BPTF: variants seen among roughly 807,000 people sequenced by gnomAD.
BPTF encodes nucleosome-remodeling factor subunit BPTF.
In BPTF, 18 loss-of-function variants were observed where a neutral mutation model predicts 292.5. That is an observed-to-expected ratio of 0.06 (90% CI 0.04 to 0.09). The LOEUF is 0.09. Ranked by LOEUF, BPTF falls within the 10% of genes least tolerant of loss-of-function variation. The pLI is 1.00. For synonymous variants in BPTF, 1,225 were observed against 1,251.9 expected, an observed-to-expected ratio of 0.98 and a Z score of 0.45; for missense variants, 2,726 against 3,498.7, an observed-to-expected ratio of 0.78 and a Z score of 5.57.
chr17:67,831,992 A>G (rs2056725862), intron 1 of BPTF, among the ~76,000 whole-genome samples: 1 of 152,120 alleles, frequency 6.6e-6, no homozygotes, highest in African/African-American at 2.4e-5. Context: ...CCTGGGTTCA[A>G]GCGATTCTCC....
intron 13 of BPTF, 115 bp from the exon 14 acceptor site, chr17:67,922,725 A>G (rs1371185732): frequency 1.8e-6 from 2 of 1,132,456 alleles, no homozygotes; most frequent in Non-Finnish European, 2.5e-6. Context: ...GCTGCAGCAG[A>G]GACCATCTGG....
At chr17:67,845,733 A>ACTGCACTCTAGCCTG (rs1166882163) in intron 1 of BPTF, among the ~76,000 whole-genome samples, 1 of 152,040 alleles carries the variant, frequency 6.6e-6, no homozygotes, top group Non-Finnish European at 1.5e-5. Context: ...TGATAGCACC[A>ACTGCACTCTAGCCTG]CTGCACTCTA....
chr17:67,837,673 G>T (rs1316974854), intron 1 of BPTF, among the ~76,000 whole-genome samples: 1 of 152,186 alleles, frequency 6.6e-6, no homozygotes, highest in African/African-American at 2.4e-5. Context: ...GCCTCTCAAA[G>T]TGCTGGGATT....
At chr17:67,909,406 A>C (rs778428287) in intron 9 of BPTF, among the ~76,000 whole-genome samples, 176 bp from the exon 10 acceptor site, 15 of 151,178 alleles carry the variant, frequency 9.9e-5, no homozygotes, top group African/African-American at 2.2e-4. Flanking sequence ...TCAGCCAGGC[A>C]TATAGGATTA....
intron 15 of BPTF, among the ~76,000 whole-genome samples, chr17:67,928,087 T>C (rs2064068566): frequency 6.6e-6 from 1 of 152,168 alleles, no homozygotes; most frequent in Non-Finnish European, 1.5e-5. Context: ...TTTCACCATA[T>C]TGGCCAGGCT....
At chr17:67,865,073 T>G (rs924334364) in intron 2 of BPTF, among the ~76,000 whole-genome samples, 2 of 152,162 alleles carry the variant, frequency 1.3e-5, no homozygotes, top group Admixed American at 6.5e-5. Flanking sequence ...CCCAAAGTGC[T>G]GGGATTACAG....
At chr17:67,896,184 C>A (rs28677969) in intron 7 of BPTF, among the ~76,000 whole-genome samples, 3 of 151,520 alleles carry the variant, frequency 2.0e-5, no homozygotes, top group African/African-American at 4.8e-5. Flanking sequence ...GGATGGTCTC[C>A]ATCTCCTGAC....
In BPTF at chr17:67,920,151, A is replaced by G. The variant is rs376048162; in HGVS notation, c.5557+8A>G. 9 of 1,606,426 alleles carry G rather than the reference A, an allele frequency of 5.6e-6. No individual in the cohort carries two copies. The highest frequency in any genetic ancestry group is 7.7e-6 in the Non-Finnish European group (9 of 1,175,232). The stretch of plus-strand genomic sequence containing the variant: ...TTCCAGAAACACCAAAAGGTAAGAA[A>G]TAGAATTCTATTCTTTCATGATTAA... On this transcript the variant is annotated splice_region_variant and intron_variant, in intron 13 of 27. Transcript: ENST00000306378.
At chr17:67,938,244 A>C (rs1366545923) in intron 18 of BPTF, among the ~76,000 whole-genome samples, 1 of 152,232 alleles carries the variant, frequency 6.6e-6, no homozygotes, top group African/African-American at 2.4e-5. Flanking sequence ...GTCTCTGCTT[A>C]TGATGGCAAT....
Position 67,874,843 on chromosome 17 carries a change from A to G in BPTF, c.1687A>G (p.Lys563Glu), listed in dbSNP as rs758305005. The part of the protein sequence containing the change: ...NEEILESIRA[K>E]KGDIDNVKSP... ...AGAAATTTTGGAATCCATAAGAGCC[A>G]AAAAGGGAGACATTGATAATGTTAA... Residue 563 changes from lysine (K) to glutamate (E), a missense_variant, in exon 4 of 28, where the codon AAA becomes GAA. By Grantham distance (56) the Lys-to-Glu change is moderately conservative (BLOSUM62 1). Around this residue, in one of 22 missense-constraint regions of BPTF, gnomAD observed 187 missense variants for 201.5 expected, o/e 0.93. Transcript: ENST00000306378. The G allele has an allele frequency of 6.2e-7, 1 of 1,612,424 alleles. No individual in the cohort carries two copies. The highest frequency in any genetic ancestry group is 8.5e-7 in the Non-Finnish European group (1 of 1,179,478).
chr17:67,960,149 A>G (rs2067337809), intron 24 of BPTF: 1 of 313,948 alleles, frequency 3.2e-6, no homozygotes, highest in South Asian at 5.1e-5. Flanking sequence ...TTCCCTCTGA[A>G]TTAACTCCAA....
chr17:67,891,063 G>T (rs924508884), intron 4 of BPTF, among the ~76,000 whole-genome samples: 3 of 152,064 alleles, frequency 2.0e-5, no homozygotes, highest in Non-Finnish European at 4.4e-5. Flanking sequence ...CATGCCTGTG[G>T]TTCCAGCTAC....
At chr17:67,925,867 T>TATG (rs2063828315) in intron 15 of BPTF, among the ~76,000 whole-genome samples, 1 of 152,132 alleles carries the variant, frequency 6.6e-6, no homozygotes, top group African/African-American at 2.4e-5. Context: ...GGATTCTATG[T>TATG]ATGATGCTGT....
At chr17:67,853,768 T>A (rs1965680576) in intron 1 of BPTF, among the ~76,000 whole-genome samples, 172 bp from the exon 2 acceptor site, 1 of 152,150 alleles carries the variant, frequency 6.6e-6, no homozygotes, top group African/African-American at 2.4e-5. Context: ...GCATTTAGAT[T>A]TTCTATAGAT....
chr17:67,941,929 G>A (rs2065399068), intron 19 of BPTF, among the ~76,000 whole-genome samples: 1 of 151,956 alleles, frequency 6.6e-6, no homozygotes, highest in South Asian at 2.1e-4. Flanking sequence ...AACCAACCAA[G>A]GACTATTACA....
At chr17:67,855,413 G>A (rs766516633) in intron 2 of BPTF, among the ~76,000 whole-genome samples, 21 of 152,170 alleles carry the variant, frequency 1.4e-4, no homozygotes, top group African/African-American at 4.3e-4. Flanking sequence ...TTTGGTGTTA[G>A]GGTTGTTTTA....
chr17:67,966,714 C>A, intron 26 of BPTF, 58 bp downstream of exon 26: 2 of 1,326,666 alleles, frequency 1.5e-6, no homozygotes, highest in South Asian at 1.7e-5. Context: ...GTTTTATTAT[C>A]CATAAAATTA....
At chr17:67,953,278 A>G (rs2066564441) in intron 23 of BPTF, among the ~76,000 whole-genome samples, 1 of 138,266 alleles carries the variant, frequency 7.2e-6, no homozygotes, top group Non-Finnish European at 1.5e-5. Context: ...TTTTTTTGAG[A>G]CGGAGTCTTA....
rs1555683829 is a variant in BPTF, at chr17:67,961,199, A to G, written c.8261+1324A>G. On this transcript the variant is annotated intron_variant, in intron 24 of 27. Transcript: ENST00000306378. ...TTGATTTCACACACAACTTCTTTGA[A>G]ATACCTACATTGCATAAAATGAGGC... Among the ~76,000 whole-genome samples, 3 of 152,234 alleles carry G rather than the reference A, an allele frequency of 2.0e-5. 1 individual carries two copies. Among genetic ancestry groups the G allele is most frequent in the Non-Finnish European group, 2.9e-5 (2 of 68,036 alleles).
Sources: allele counts gnomAD v4.1 joint callset (sites outside exome capture counted in the v4.1 genomes callset), GRCh38; gene constraint gnomAD v4.1.1; regional missense constraint gnomAD v4.1.1; transcripts MANE v1.5; gene names NCBI Gene and HGNC (gene_info 2026-07-23, HGNC 2026-07-21).